The following ACSL4 variants were observed in gnomAD, a reference collection of about 807,000 sequenced individuals.
The protein encoded by ACSL4 is acyl-CoA synthetase long chain family member 4.
Under a neutral mutation model 49.1 loss-of-function variants are expected in ACSL4, and 9 were observed. The ratio of observed to expected loss-of-function variants is 0.18; its 90% CI spans 0.11 to 0.32. The LOEUF (loss-of-function observed/expected upper bound fraction) is 0.32, where lower values mean the gene tolerates loss of function less well. Ranked by LOEUF, ACSL4 falls within the 10% of genes least tolerant of loss-of-function variation. ACSL4 has a pLI of 1.00. For synonymous variants in ACSL4, 191 were observed against 170.3 expected (o/e 1.12, Z -0.95); for missense variants, 333 against 493.7 (o/e 0.67, Z 3.08).
At chrX:109,702,613 A>T (rs1311683120) in intron 1 of ACSL4, among the ~76,000 whole-genome samples, 1 of 112,423 alleles carries the variant, frequency 8.9e-6, no homozygotes, top group African/African-American at 3.2e-5. Context: ...CAAGAAAAAG[A>T]ACCAGAGCTC....
At chrX:109,685,003 T>C (rs1013418577) in intron 2 of ACSL4, among the ~76,000 whole-genome samples, 1 of 110,101 alleles carries the variant, frequency 9.1e-6, no homozygotes, top group African/African-American at 3.3e-5. Context: ...TGTGGAAAGC[T>C]GGGGGCTGCT....
chrX:109,671,941 A>G (rs776802180), intron 9 of ACSL4, among the ~76,000 whole-genome samples: 2 of 109,529 alleles, frequency 1.8e-5, no homozygotes, highest in Non-Finnish European at 3.8e-5. Context: ...AACACTGCGG[A>G]AGGCGGCAGG....
intron 9 of ACSL4, 134 bp downstream of exon 9, chrX:109,674,268 G>A: frequency 1.7e-6 from 1 of 572,667 alleles, no homozygotes; most frequent in Non-Finnish European, 2.9e-6. Context: ...GAACACATTT[G>A]CTGTGATTTC....
At chrX:109,656,983 C>T (rs1270345649) in intron 15 of ACSL4, among the ~76,000 whole-genome samples, 3 of 111,551 alleles carry the variant, frequency 2.7e-5, no homozygotes, top group East Asian at 5.6e-4. Flanking sequence ...GCCAATCATG[C>T]TTCCCACACA....
intron 1 of ACSL4, among the ~76,000 whole-genome samples, chrX:109,717,876 T>A (rs1382564519): frequency 9.0e-6 from 1 of 111,409 alleles, no homozygotes; most frequent in African/African-American, 3.3e-5. Flanking sequence ...AGCTCATGAG[T>A]TATCATTAGT....
At chrX:109,697,631 A>G (rs1925541925) in intron 1 of ACSL4, among the ~76,000 whole-genome samples, 1 of 107,093 alleles carries the variant, frequency 9.3e-6, no homozygotes, top group African/African-American at 3.4e-5. Flanking sequence ...ACAAATGGTT[A>G]AGATTACTTA....
At chrX:109,678,547 G>A (rs1316869659) in intron 6 of ACSL4, 132 bp from the exon 7 acceptor site, 3 of 802,654 alleles carry the variant, frequency 3.7e-6, no homozygotes, top group South Asian at 4.7e-5. Flanking sequence ...TCATCAAAAC[G>A]AGCTGGGTGA....
intron 13 of ACSL4, among the ~76,000 whole-genome samples, chrX:109,662,081 C>A (rs758335448): frequency 9.0e-6 from 1 of 111,344 alleles, no homozygotes; most frequent in East Asian, 2.8e-4. Flanking sequence ...ATGATGCCTA[C>A]CTCATACAGA....
intron 15 of ACSL4, among the ~76,000 whole-genome samples, chrX:109,651,682 C>G (rs1921150016): frequency 9.0e-6 from 1 of 111,663 alleles, no homozygotes; most frequent in Admixed American, 9.5e-5. Context: ...TTTGGCCCCC[C>G]AATTTTTTAT....
At chrX:109,672,079 T>TAAAA (rs764711316) in intron 9 of ACSL4, among the ~76,000 whole-genome samples, 21 of 37,380 alleles carry the variant, frequency 5.6e-4, no homozygotes, top group African/African-American at 2.0e-3. Context: ...CAATAAATAC[T>TAAAA]AAAAAAAAAA....
At chrX:109,716,607 G>C (rs1192135142) in intron 1 of ACSL4, among the ~76,000 whole-genome samples, 1 of 112,302 alleles carries the variant, frequency 8.9e-6, no homozygotes, top group East Asian at 2.8e-4. Context: ...AGTTTGGAAT[G>C]GGTTAGTTCC....
intron 15 of ACSL4, among the ~76,000 whole-genome samples, chrX:109,659,024 T>C (rs1328394682): frequency 8.9e-6 from 1 of 112,155 alleles, no homozygotes; most frequent in African/African-American, 3.2e-5. Context: ...TATAACACTA[T>C]TTACTAAACT....
At chrX:109,729,073 G>T (rs1244567166) in intron 1 of ACSL4, among the ~76,000 whole-genome samples, 1 of 105,222 alleles carries the variant, frequency 9.5e-6, no homozygotes, top group East Asian at 2.8e-4. Context: ...AAAAAAATTA[G>T]CCAGGTGTGG....
chrX:109,644,810 T>C (rs5985753), intron 15 of ACSL4, among the ~76,000 whole-genome samples: 2,279 of 112,778 alleles, frequency 0.02, 41 homozygotes, highest in East Asian at 0.064. Flanking sequence ...TGGGCGCAGG[T>C]CAGTGGGTGT....
At chrX:109,677,242 A>G (rs944508236) in intron 8 of ACSL4, among the ~76,000 whole-genome samples, 6 of 109,615 alleles carry the variant, frequency 5.5e-5, no homozygotes, top group African/African-American at 2.0e-4. Context: ...GATTACAGGC[A>G]TGAGCCACCG....
intron 1 of ACSL4, 83 bp from the exon 2 acceptor site, chrX:109,696,279 T>A (rs1009386269): frequency 8.9e-6 from 1 of 112,076 alleles, no homozygotes; most frequent in African/African-American, 3.2e-5. Flanking sequence ...TTGTTCACAT[T>A]ATCTGTGCAC....
At chrX:109,727,573 A>G (rs1443913101) in intron 1 of ACSL4, among the ~76,000 whole-genome samples, 6 of 111,567 alleles carry the variant, frequency 5.4e-5, no homozygotes, top group Non-Finnish European at 9.4e-5. Flanking sequence ...AGACTTAGTA[A>G]AGAAAATGAA....
At position 109,643,506 on chromosome X, in the gene ACSL4, T is replaced by C. The variant is rs1444070676; in HGVS notation, c.*523A>G. 8.5e-6 allele frequency: 1 copy of C among 117,507 alleles called. No homozygotes were observed. The highest frequency in any genetic ancestry group is 3.2e-5 in the African/African-American group (1 of 30,867). 9.7% of individuals were successfully genotyped at this position (117,507 alleles called of 1,213,427 possible). On this transcript the variant is annotated 3_prime_UTR_variant, in exon 16 of 16. Coordinates refer to ENST00000672401, the MANE Select transcript of ACSL4 (RefSeq NM_001318510.2). ...AATCTTAATACCTTCTAAGGTATTA[T>C]TTGATTTTGTGTATTATATTACTAT... is the stretch of plus-strand genomic sequence containing the variant.
Position 109,660,002 on chromosome X carries a change from G to T in ACSL4, c.1698-491C>A, listed in dbSNP as rs780538391. Among the ~76,000 whole-genome samples the T allele has an allele frequency of 1.8e-4, 19 of 107,990 alleles. No homozygotes were observed. The South Asian group carries it at 7.4e-3, about 42-fold the overall frequency. 93.8% of individuals were successfully genotyped at this position (107,990 alleles called of 115,157 possible). The stretch of plus-strand genomic sequence containing the variant: ...TAAAACTGCTAGAAAAAAAAAAACA[G>T]AAGAAACACTTTATGAGAATAGATT... On this transcript the variant is annotated intron_variant, in intron 14 of 15. Transcript: ENST00000672401.
Sources: allele counts gnomAD v4.1 joint callset (sites outside exome capture counted in the v4.1 genomes callset), GRCh38; gene constraint gnomAD v4.1.1; transcripts MANE v1.5; gene names NCBI Gene and HGNC (gene_info 2026-07-23, HGNC 2026-07-21).